The following CSMD2 variants were observed in gnomAD, a reference collection of about 807,000 sequenced individuals.
The protein encoded by CSMD2 is CUB and Sushi multiple domains 2, also known as CUB and sushi domain-containing protein 2.
Under a neutral mutation model 398.5 loss-of-function variants are expected in CSMD2, and 130 were observed. The ratio of observed to expected loss-of-function variants is 0.33; its 90% CI spans 0.28 to 0.38. The LOEUF (loss-of-function observed/expected upper bound fraction) is 0.38, where lower values mean the gene tolerates loss of function less well. Ranked by LOEUF, CSMD2 falls within the 10% of genes least tolerant of loss-of-function variation. The probability of loss-of-function intolerance (pLI) is 1.00; values close to 1 mark genes in which losing one functional copy is unlikely to be tolerated. For missense variants in CSMD2, 3,829 were observed against 4,764.9 expected (o/e 0.80, Z 5.78); for synonymous variants, 1,828 against 1,908.5 (o/e 0.96, Z 1.10).
chr1:33,836,673 T>C (rs1660307974), intron 6 of CSMD2, among the ~76,000 whole-genome samples: 1 of 152,180 alleles, frequency 6.6e-6, no homozygotes, highest in Admixed American at 6.5e-5. Flanking sequence ...ATGCGTGGGA[T>C]ATAATCTCCT....
At chr1:33,899,539 G>A (rs1642614020) in intron 5 of CSMD2, among the ~76,000 whole-genome samples, 1 of 151,960 alleles carries the variant, frequency 6.6e-6, no homozygotes, top group South Asian at 2.1e-4. Context: ...CTCCTGGCAT[G>A]TCGTTGGTAC....
chr1:33,579,418 C>T (rs1201078347), intron 48 of CSMD2, among the ~76,000 whole-genome samples: 1 of 152,104 alleles, frequency 6.6e-6, no homozygotes, highest in African/African-American at 2.4e-5. Context: ...TCTCCGTGTG[C>T]ACCAGGGAAA....
At chr1:33,787,326 G>A (rs748938197) in intron 12 of CSMD2, among the ~76,000 whole-genome samples, 1 of 152,150 alleles carries the variant, frequency 6.6e-6, no homozygotes, top group South Asian at 2.1e-4. Context: ...ACCCAGTTTC[G>A]AAACAGAGTA....
intron 2 of CSMD2, among the ~76,000 whole-genome samples, chr1:34,077,256 G>A (rs2148320671): frequency 6.6e-6 from 1 of 151,728 alleles, no homozygotes; most frequent in African/African-American, 2.4e-5. Context: ...AGGAGATCGA[G>A]ACCATCTTGG....
intron 12 of CSMD2, among the ~76,000 whole-genome samples, chr1:33,777,324 TGA>T (rs1313991653): frequency 1.3e-5 from 2 of 151,942 alleles, no homozygotes; most frequent in Non-Finnish European, 2.9e-5. Context: ...CAGGGTGGGG[TGA>T]GAGTTTGGGA....
intron 6 of CSMD2, among the ~76,000 whole-genome samples, chr1:33,826,945 C>T (rs1443798301): frequency 6.6e-6 from 1 of 152,200 alleles, no homozygotes; most frequent in African/African-American, 2.4e-5. Context: ...TCATACGTGC[C>T]AGGTCCAGGG....
intron 28 of CSMD2, among the ~76,000 whole-genome samples, chr1:33,649,152 T>C (rs1443299659): frequency 2.0e-5 from 3 of 152,198 alleles, no homozygotes; most frequent in East Asian, 3.8e-4. Flanking sequence ...AGGCAATTGA[T>C]ACCAATCAAG....
chr1:33,616,590 G>A (rs796831131), intron 39 of CSMD2, among the ~76,000 whole-genome samples: 3 of 152,284 alleles, frequency 2.0e-5, no homozygotes, highest in African/African-American at 7.2e-5. Context: ...AGAAGTCACG[G>A]GGGAAGCCCA....
chr1:33,890,298 G>A (rs781077075), intron 5 of CSMD2, among the ~76,000 whole-genome samples: 28 of 143,984 alleles, frequency 1.9e-4, no homozygotes, highest in Non-Finnish European at 2.7e-4. Flanking sequence ...TGGAGCGATC[G>A]TTGCTCACTG....
chr1:33,931,953 A>G (rs1407864211), intron 4 of CSMD2, among the ~76,000 whole-genome samples: 3 of 152,206 alleles, frequency 2.0e-5, no homozygotes, highest in Non-Finnish European at 2.9e-5. Context: ...GTGAGAGACG[A>G]GAGAGCCTGG....
chr1:33,706,116 A>G (rs535030006), intron 22 of CSMD2, among the ~76,000 whole-genome samples: 5 of 152,194 alleles, frequency 3.3e-5, no homozygotes, highest in African/African-American at 1.2e-4. Flanking sequence ...TATGTCACAG[A>G]CTTACAGAGG....
At chr1:34,056,372 A>C (rs1653830594) in intron 2 of CSMD2, among the ~76,000 whole-genome samples, 1 of 152,158 alleles carries the variant, frequency 6.6e-6, no homozygotes, top group Non-Finnish European at 1.5e-5. Flanking sequence ...TGTCTGCTTC[A>C]TCTCTGGATC....
intron 2 of CSMD2, among the ~76,000 whole-genome samples, chr1:34,087,923 G>A (rs1016790188): frequency 6.6e-6 from 1 of 152,210 alleles, no homozygotes; most frequent in South Asian, 2.1e-4. Flanking sequence ...CTCAAGGGAA[G>A]ATGATTAGCC....
At chr1:33,590,082 G>T (rs1224416624) in intron 44 of CSMD2, among the ~76,000 whole-genome samples, 3 of 151,212 alleles carry the variant, frequency 2.0e-5, no homozygotes, top group African/African-American at 7.3e-5. Context: ...TTTATATTTT[G>T]TGATTACTGT....
intron 36 of CSMD2, among the ~76,000 whole-genome samples, chr1:33,622,876 T>C (rs893612446): frequency 2.0e-5 from 3 of 152,222 alleles, no homozygotes; most frequent in Non-Finnish European, 4.4e-5. Context: ...CACCAAGACT[T>C]GTGCATGAGC....
At chr1:33,675,561 C>G (rs1000508962) in intron 25 of CSMD2, among the ~76,000 whole-genome samples, 15 of 152,204 alleles carry the variant, frequency 9.9e-5, no homozygotes, top group African/African-American at 2.7e-4. Context: ...ACTTCTGAAA[C>G]TATTCCAATC....
intron 13 of CSMD2, among the ~76,000 whole-genome samples, chr1:33,770,244 A>T (rs894899811): frequency 6.6e-6 from 1 of 152,264 alleles, no homozygotes; most frequent in African/African-American, 2.4e-5. Flanking sequence ...AGGTCAGTAC[A>T]TGAAAATCCA....
Position 33,946,794 on chromosome 1 carries a change from T to C in CSMD2, c.518-10840A>G, listed in dbSNP as rs545551761. On this transcript the variant is annotated intron_variant, in intron 3 of 70. Transcript: ENST00000373381. ...CCACCCACCATGTCCAGCTAACTTT[T>C]TTTTTTTTTTTGTATTTTTAGTAGA... Among the ~76,000 whole-genome samples, 114 of 151,460 alleles carry C rather than the reference T, an allele frequency of 7.5e-4. 1 individual carries two copies. The South Asian group carries it at 0.014, about 19-fold the overall frequency.
rs528971870 is a variant in CSMD2 at position 33,693,023 on chromosome 1, G to A, written c.3959C>T (p.Ser1320Leu). The stretch of plus-strand genomic sequence containing the variant: ...ATACCCGGGTGACAGCACCTGCCCC[G>A]ACACCTCTCCTCTCACTGTCCCTCC... ...ECGGTVRGEV[S>L]GQVLSPGYPA... The change falls in exon 25 of 71, where the codon TCG becomes TTG. Residue 1320 changes from serine (S) to leucine (L), a missense_variant. By Grantham distance (145) the Ser-to-Leu change is moderately radical. Coordinates refer to ENST00000373381, the MANE Select transcript of CSMD2 (RefSeq NM_001281956.2). 3.7e-5 allele frequency: 59 copies of A among 1,602,874 alleles called. No individual in the cohort carries two copies. Among genetic ancestry groups the A allele is most frequent in the Admixed American group, 1.4e-4 (8 of 58,290 alleles).
Sources: allele counts gnomAD v4.1 joint callset (sites outside exome capture counted in the v4.1 genomes callset), GRCh38; gene constraint gnomAD v4.1.1; transcripts MANE v1.5; gene names NCBI Gene and HGNC (gene_info 2026-07-23, HGNC 2026-07-21).